Variants in ARHGEF4 observed in about 807,000 individuals in gnomAD.
ARHGEF4 encodes the protein Rho guanine nucleotide exchange factor 4.
Under a neutral mutation model 162.0 loss-of-function variants are expected in ARHGEF4, and 119 were observed. That is an observed-to-expected ratio of 0.73 (90% CI 0.63 to 0.86). The LOEUF is 0.86. ARHGEF4 is among the 40% of genes least tolerant of loss of function. ARHGEF4 has a pLI of 0.00. For missense variants in ARHGEF4, 2,488 were observed against 2,456.0 expected, an observed-to-expected ratio of 1.01 and a Z score of -0.28; for synonymous variants, 1,014 against 979.9, an observed-to-expected ratio of 1.03 and a Z score of -0.65.
At chr2:130,985,410 C>T (rs1371907207) in intron 4 of ARHGEF4, among the ~76,000 whole-genome samples, 1 of 152,156 alleles carries the variant, frequency 6.6e-6, no homozygotes, top group Non-Finnish European at 1.5e-5. Context: ...AGTATTGCTA[C>T]AGAAAAAGGC....
At chr2:130,880,098 C>T (rs917712583) in intron 1 of ARHGEF4, among the ~76,000 whole-genome samples, 15 of 152,220 alleles carry the variant, frequency 9.9e-5, no homozygotes, top group Admixed American at 7.2e-4. Flanking sequence ...CTCCTCTCAA[C>T]AGCCTGTGCA....
rs1005876042 is a variant in ARHGEF4 at position 130,915,867 on chromosome 2, C to A, written c.1921C>A (p.Leu641Ile). Residue 641 changes from leucine (L) to isoleucine (I), a missense_variant, in exon 2 of 14, where the codon CTT (leucine) becomes ATT (isoleucine). Transcript: ENST00000409359. Reference sequence around the variant, plus strand: ...CATTGTAGCTGTGGAGCAGAAAGGTCTTCAGGCCAGCAGGAGCAATGCGGG... The same window carrying A: ...CATTGTAGCTGTGGAGCAGAAAGGTATTCAGGCCAGCAGGAGCAATGCGGG... Reference protein sequence around the residue: ...LIIVAVEQKGLQASRSNAGPV... With the variant: ...LIIVAVEQKGIQASRSNAGPV... 6 of 1,547,244 alleles carry A rather than the reference C, an allele frequency of 3.9e-6. No individual in the cohort carries two copies. In the Admixed American group the frequency reaches 1.2e-4, roughly 31 times the overall value.
intron 4 of ARHGEF4, among the ~76,000 whole-genome samples, chr2:130,969,364 G>A (rs1412364646): frequency 1.3e-5 from 2 of 152,090 alleles, no homozygotes; most frequent in Admixed American, 6.5e-5. Context: ...TTGGGAGGCC[G>A]AGGCAGGTGG....
rs759020143 is a variant in ARHGEF4 at position 131,045,323 on chromosome 2, G to T, written c.5402-46G>T. The T allele has an allele frequency of 3.2e-6, 5 of 1,572,800 alleles. No individual in the cohort carries two copies. The South Asian group carries it at 4.6e-5, about 14-fold the overall frequency. On this transcript the variant is annotated intron_variant, in intron 12 of 13. Coordinates refer to ENST00000409359, the MANE Select transcript of ARHGEF4 (RefSeq NM_001367493.1). ...TGCAGGTGTGCAGGGAACTGCACCT[G>T]GGGCCACGAAGTGGGGCAGCGCCCT...
intron 1 of ARHGEF4, among the ~76,000 whole-genome samples, chr2:130,906,530 G>A (rs6721186): frequency 0.15 from 22,751 of 152,112 alleles, 2,944 homozygotes; most frequent in African/African-American, 0.35. Context: ...TTAAGCTTTT[G>A]TTTGTAACTT....
chr2:130,877,474 A>T (rs890687139), intron 1 of ARHGEF4, among the ~76,000 whole-genome samples: 2 of 152,074 alleles, frequency 1.3e-5, no homozygotes, highest in East Asian at 3.9e-4. Context: ...CCAAACAGGC[A>T]TTGGCTTGCC....
At chr2:130,928,369 C>T (rs1160269208) in intron 2 of ARHGEF4, among the ~76,000 whole-genome samples, 1 of 152,244 alleles carries the variant, frequency 6.6e-6, no homozygotes, top group Admixed American at 6.5e-5. Flanking sequence ...TCCCTGTTCA[C>T]CATGCAGGTT....
chr2:130,955,728 C>A (rs1327104301), intron 4 of ARHGEF4, among the ~76,000 whole-genome samples: 1 of 152,186 alleles, frequency 6.6e-6, no homozygotes, highest in Non-Finnish European at 1.5e-5. Flanking sequence ...GGATCACTTT[C>A]TGAGGTCAGT....
At position 130,902,062 on chromosome 2, in the gene ARHGEF4, G is replaced by A. The variant is rs546091164; in HGVS notation, c.40-11924G>A. Among the ~76,000 whole-genome samples, 50 of 152,248 alleles carry A rather than the reference G, an allele frequency of 3.3e-4. 1 individual carries two copies. The South Asian group carries it at 9.7e-3, about 30-fold the overall frequency. On this transcript the variant is annotated intron_variant, in intron 1 of 13. Coordinates refer to ENST00000409359, the MANE Select transcript of ARHGEF4 (RefSeq NM_001367493.1). ...TCCCCTCTGCCTCCAGAGCAACACC[G>A]GTGCTTCTTCATGTGGTCTCATGCG...
rs3739128 is a variant in ARHGEF4 at position 130,915,955 on chromosome 2, C to G, written c.2009C>G (p.Thr670Ser). 6.8e-3 allele frequency: 10,577 copies of G among 1,550,572 alleles called. 372 individuals are homozygous for G. In the African/African-American group the frequency reaches 0.094, roughly 14 times the overall value. Residue 670 changes from threonine to serine, a missense_variant, in exon 2 of 14, where the codon ACT (threonine) becomes AGT (serine). Thr to Ser is a moderately conservative substitution (Grantham distance 58, BLOSUM62 1). This residue lies in a region of ARHGEF4 where 1,642 missense variants were observed against 1,481.5 expected (regional missense o/e 1.11). Transcript: ENST00000409359. ...GAAAGACCAGAATCTCCCTTGAGCA[C>G]TGGCGAGACCCCCTGTGAGTCTCCC... The part of the protein sequence containing the change: ...PKERPESPLS[T>S]GETPCESPTR...
intron 4 of ARHGEF4, among the ~76,000 whole-genome samples, chr2:131,009,733 C>T (rs916476472): frequency 3.9e-5 from 6 of 152,120 alleles, no homozygotes; most frequent in African/African-American, 1.4e-4. Context: ...TTTCCTATTT[C>T]TTCATGCTTT....
Position 130,887,808 on chromosome 2 carries a change from C to T in ARHGEF4, c.40-26178C>T, listed in dbSNP as rs548308525. On this transcript the variant is annotated intron_variant, in intron 1 of 13. Coordinates refer to ENST00000409359, the MANE Select transcript of ARHGEF4 (RefSeq NM_001367493.1). Reference sequence around the variant, plus strand: ...TGTCCTCACCATGTGGTCTCCAGGACGGCGTCCTTTGCCTCCACTGTGCTG... The same window carrying T: ...TGTCCTCACCATGTGGTCTCCAGGATGGCGTCCTTTGCCTCCACTGTGCTG... Among the ~76,000 whole-genome samples the T allele has an allele frequency of 1.3e-4, 20 of 152,230 alleles. 1 individual carries two copies. In the East Asian group the frequency reaches 2.1e-3, roughly 16 times the overall value.
intron 13 of ARHGEF4, chr2:131,045,759 C>T (rs1691200552): frequency 1.4e-6 from 2 of 1,428,662 alleles, no homozygotes; most frequent in South Asian, 3.0e-5. Context: ...CTGCTTTCCC[C>T]ATTTCTACAG....
At chr2:130,872,976 G>T (rs1368985616) in intron 1 of ARHGEF4, among the ~76,000 whole-genome samples, 1 of 152,120 alleles carries the variant, frequency 6.6e-6, no homozygotes, top group Admixed American at 6.5e-5. Flanking sequence ...GTTCGCCTGT[G>T]GAGCACACCT....
intron 4 of ARHGEF4, among the ~76,000 whole-genome samples, chr2:130,994,113 A>G (rs993627753): frequency 7.2e-5 from 11 of 152,146 alleles, no homozygotes; most frequent in African/African-American, 2.4e-5. Context: ...GTGGCTTTAG[A>G]TATGTCTCAT....
intron 2 of ARHGEF4, among the ~76,000 whole-genome samples, chr2:130,920,992 C>T (rs1044031716): frequency 6.6e-6 from 1 of 152,084 alleles, no homozygotes; most frequent in Non-Finnish European, 1.5e-5. Context: ...CCACATCCCC[C>T]ACCCTGCCCC....
At chr2:130,907,903 G>C (rs1450911628) in intron 1 of ARHGEF4, among the ~76,000 whole-genome samples, 5 of 149,804 alleles carry the variant, frequency 3.3e-5, no homozygotes, top group African/African-American at 1.2e-4. Context: ...GTTGCAGTGA[G>C]CCGAGATCAC....
intron 2 of ARHGEF4, among the ~76,000 whole-genome samples, chr2:130,922,923 G>GATATATAT (rs60528259): frequency 0.055 from 7,976 of 145,326 alleles, 278 homozygotes; most frequent in East Asian, 0.13. Context: ...CCTCTTTAAT[G>GATATATAT]ATATATATAT....
intron 1 of ARHGEF4, among the ~76,000 whole-genome samples, chr2:130,845,060 G>A (rs1368903706): frequency 2.0e-5 from 3 of 151,632 alleles, no homozygotes; most frequent in Non-Finnish European, 4.4e-5. Flanking sequence ...CTGACCTCAT[G>A]ATCCGCCCTC....
Sources: allele counts gnomAD v4.1 joint callset (sites outside exome capture counted in the v4.1 genomes callset), GRCh38; gene constraint gnomAD v4.1.1; regional missense constraint gnomAD v4.1.1; transcripts MANE v1.5; gene names NCBI Gene and HGNC (gene_info 2026-07-23, HGNC 2026-07-21).